Variants in ARHGAP20 observed in about 807,000 individuals in gnomAD.
The protein encoded by ARHGAP20 is rho GTPase-activating protein 20.
In ARHGAP20, 34 loss-of-function variants were observed where a neutral mutation model predicts 73.7. That is an observed-to-expected ratio of 0.46 (90% CI 0.35 to 0.61). The LOEUF is 0.61. Among genes scored for constraint, ARHGAP20 ranks in the 20% least tolerant of loss-of-function variants. The pLI is 0.00. For missense variants in ARHGAP20, 1,314 were observed against 1,420.9 expected (o/e 0.92, Z 1.21); for synonymous variants, 523 against 518.2 (o/e 1.01, Z -0.13).
intron 1 of ARHGAP20, chr11:110,691,151 T>G: frequency 1.9e-6 from 1 of 524,372 alleles, no homozygotes; most frequent in South Asian, 4.8e-5. Flanking sequence ...CCAAATAGAC[T>G]TTTTTAAAAC....
At chr11:110,640,355 T>C (rs1949053202) in intron 2 of ARHGAP20, among the ~76,000 whole-genome samples, 1 of 152,000 alleles carries the variant, frequency 6.6e-6, no homozygotes, top group African/African-American at 2.4e-5. Context: ...GCATCTGTTT[T>C]ACCCTACCTG....
chr11:110,685,699 C>A (rs745424730), intron 2 of ARHGAP20, among the ~76,000 whole-genome samples: 44 of 152,250 alleles, frequency 2.9e-4, no homozygotes, highest in Admixed American at 1.1e-3. Flanking sequence ...GATTTAGATA[C>A]AAGCTTTGTC....
chr11:110,648,194 T>TATATATATATATATGTAA (rs1949250423), intron 2 of ARHGAP20, among the ~76,000 whole-genome samples: 1 of 84,574 alleles, frequency 1.2e-5, no homozygotes, highest in Non-Finnish European at 2.3e-5. Context: ...TATATGTAAA[T>TATATATATATATATGTAA]ATATATATAT....
At chr11:110,582,045 A>G (rs1306767797) in intron 14 of ARHGAP20, among the ~76,000 whole-genome samples, 1 of 152,146 alleles carries the variant, frequency 6.6e-6, no homozygotes, top group African/African-American at 2.4e-5. Flanking sequence ...TAAAAAGCCC[A>G]TCAAAAAACA....
At chr11:110,640,764 GA>G (rs1398313853) in intron 2 of ARHGAP20, among the ~76,000 whole-genome samples, 19 of 128,450 alleles carry the variant, frequency 1.5e-4, no homozygotes, top group African/African-American at 5.1e-4. Context: ...AAATCAGGGG[GA>G]GGGGGGAGGG....
In ARHGAP20 at chr11:110,634,952, T is replaced by A. The variant is rs201728109; in HGVS notation, c.189-4160A>T. ...ATGACAATGAGAACAGTTTTTTTTT[T>A]AAATTAGTCTAATTAAATGAGGAGC... On this transcript the variant is annotated intron_variant, in intron 2 of 14. Transcript: ENST00000683387. Among the ~76,000 whole-genome samples, 27 of 147,040 alleles carry A rather than the reference T, an allele frequency of 1.8e-4. No homozygotes were observed. The Middle Eastern group carries it at 0.01, about 57-fold the overall frequency.
chr11:110,601,896 A>G (rs1330523351), intron 9 of ARHGAP20, among the ~76,000 whole-genome samples: 1 of 151,878 alleles, frequency 6.6e-6, no homozygotes, highest in Non-Finnish European at 1.5e-5. Flanking sequence ...AGGCTGATAT[A>G]GGAGAATCGC....
At chr11:110,625,396 T>C (rs1451739320) in intron 3 of ARHGAP20, among the ~76,000 whole-genome samples, 1 of 152,196 alleles carries the variant, frequency 6.6e-6, no homozygotes, top group African/African-American at 2.4e-5. Context: ...AAAAAAACCC[T>C]GTAGTTAATT....
At chr11:110,653,774 T>C (rs1333396839) in intron 2 of ARHGAP20, among the ~76,000 whole-genome samples, 1 of 152,166 alleles carries the variant, frequency 6.6e-6, no homozygotes. Flanking sequence ...CATGCACACA[T>C]ACTTTTATTG....
rs553835312 is a variant in ARHGAP20 at position 110,612,437 on chromosome 11, A to C, written c.631-1051T>G. ...AGCGAGACTCCATCTCAAAAAAAAA[A>C]CAAAAAACAAACAAACAAACAAAAA... On this transcript the variant is annotated intron_variant, in intron 6 of 14. Coordinates refer to ENST00000683387, the MANE Select transcript of ARHGAP20 (RefSeq NM_001384657.1). Among the ~76,000 whole-genome samples the C allele has an allele frequency of 9.6e-4, 146 of 151,974 alleles. 1 individual carries two copies. The highest frequency in any genetic ancestry group is 3.2e-3 in the African/African-American group (132 of 41,422).
At chr11:110,583,227 G>A (rs1947521393) in intron 13 of ARHGAP20, among the ~76,000 whole-genome samples, 1 of 152,132 alleles carries the variant, frequency 6.6e-6, no homozygotes, top group African/African-American at 2.4e-5. Context: ...TCTGGCAAGG[G>A]GTGGAGCTGA....
At chr11:110,690,426 A>T in intron 2 of ARHGAP20, 121 bp downstream of exon 2, 4 of 946,516 alleles carry the variant, frequency 4.2e-6, no homozygotes, top group Non-Finnish European at 6.5e-6. Flanking sequence ...TCTTAAACAG[A>T]ATTCTGGTGC....
intron 2 of ARHGAP20, among the ~76,000 whole-genome samples, chr11:110,654,338 A>G (rs773087987): frequency 1.7e-4 from 26 of 152,222 alleles, no homozygotes; most frequent in Admixed American, 5.2e-4. Context: ...TCATATTAAA[A>G]TCATCATATT....
intron 9 of ARHGAP20, among the ~76,000 whole-genome samples, chr11:110,605,813 T>C (rs1847209953): frequency 6.6e-6 from 1 of 152,204 alleles, no homozygotes; most frequent in Admixed American, 6.5e-5. Context: ...AATTTGGTTC[T>C]TTGCAAAACG....
intron 4 of ARHGAP20, among the ~76,000 whole-genome samples, chr11:110,622,901 T>C (rs1948659682): frequency 6.6e-6 from 1 of 152,178 alleles, no homozygotes. Context: ...AATAATATAA[T>C]ATAGGTAAAA....
chr11:110,696,901 T>C (rs1950346975), intron 1 of ARHGAP20, among the ~76,000 whole-genome samples: 1 of 151,716 alleles, frequency 6.6e-6, no homozygotes, highest in African/African-American at 2.4e-5. Flanking sequence ...AAGAAAATTA[T>C]TTCATTCTTT....
intron 9 of ARHGAP20, among the ~76,000 whole-genome samples, chr11:110,602,151 A>G (rs1948126242): frequency 6.6e-6 from 1 of 152,166 alleles, no homozygotes; most frequent in Non-Finnish European, 1.5e-5. Flanking sequence ...TGCTCAGGGC[A>G]CTACAAATTG....
chr11:110,710,662 A>G (rs1950631612), intron 1 of ARHGAP20, among the ~76,000 whole-genome samples: 1 of 152,172 alleles, frequency 6.6e-6, no homozygotes, highest in Admixed American at 6.5e-5. Flanking sequence ...CGCAGCCTCA[A>G]TACATCAAAG....
chr11:110,616,524 C>T (rs537727366), intron 4 of ARHGAP20, among the ~76,000 whole-genome samples: 2 of 152,168 alleles, frequency 1.3e-5, no homozygotes, highest in South Asian at 2.1e-4. Context: ...CAGATGCGTG[C>T]CACAAGGCCT....
Sources: allele counts gnomAD v4.1 joint callset (sites outside exome capture counted in the v4.1 genomes callset), GRCh38; gene constraint gnomAD v4.1.1; transcripts MANE v1.5; gene names NCBI Gene and HGNC (gene_info 2026-07-23, HGNC 2026-07-21).